Variants in FAM171A1 observed in about 807,000 individuals in gnomAD.
FAM171A1 encodes the protein family with sequence similarity 171 member A1.
A neutral mutation model predicts 74.9 loss-of-function variants in FAM171A1; 23 were observed. The observed-to-expected ratio is 0.31, with a 90% confidence interval of 0.22 to 0.44. The LOEUF (loss-of-function observed/expected upper bound fraction) is 0.44, where lower values mean the gene tolerates loss of function less well. Among genes scored for constraint, FAM171A1 ranks in the 20% least tolerant of loss-of-function variants. The pLI is 1.00. For missense variants in FAM171A1, 1,162 were observed against 1,159.2 expected, an observed-to-expected ratio of 1.00 and a Z score of -0.03; for synonymous variants, 527 against 505.7, an observed-to-expected ratio of 1.04 and a Z score of -0.57.
intron 1 of FAM171A1, among the ~76,000 whole-genome samples, chr10:15,359,999 A>T (rs903909857): frequency 6.6e-6 from 1 of 152,162 alleles, no homozygotes; most frequent in Admixed American, 6.5e-5. Context: ...CGGTTATGTG[A>T]TCACGGCTCA....
At chr10:15,230,090 A>G (rs1834185870) in intron 5 of FAM171A1, among the ~76,000 whole-genome samples, 1 of 152,254 alleles carries the variant, frequency 6.6e-6, no homozygotes, top group South Asian at 2.1e-4. Flanking sequence ...TCAATACTTA[A>G]GTCTATGTTA....
intron 6 of FAM171A1, among the ~76,000 whole-genome samples, chr10:15,218,280 C>G (rs1370303410): frequency 6.6e-6 from 1 of 151,954 alleles, no homozygotes; most frequent in African/African-American, 2.4e-5. Flanking sequence ...AGGGTTTCAA[C>G]GTGTTAGCCA....
At chr10:15,268,698 T>C (rs774569510) in intron 3 of FAM171A1, among the ~76,000 whole-genome samples, 4 of 151,878 alleles carry the variant, frequency 2.6e-5, no homozygotes, top group Non-Finnish European at 5.9e-5. Context: ...AAAGAAGAAA[T>C]GTGGGCCCAG....
At chr10:15,244,981 A>T (rs562440128) in intron 5 of FAM171A1, among the ~76,000 whole-genome samples, 3 of 152,298 alleles carry the variant, frequency 2.0e-5, no homozygotes, top group Admixed American at 6.5e-5. Flanking sequence ...AAATGTGGTT[A>T]AATATGTCCA....
chr10:15,369,234 T>A (rs567278625), intron 1 of FAM171A1, among the ~76,000 whole-genome samples: 51 of 148,258 alleles, frequency 3.4e-4, no homozygotes, highest in South Asian at 1.1e-3. Context: ...ATATATATAT[T>A]GAAGACATGC....
At chr10:15,356,068 T>G (rs1330660653) in intron 1 of FAM171A1, among the ~76,000 whole-genome samples, 1 of 152,076 alleles carries the variant, frequency 6.6e-6, no homozygotes, top group Non-Finnish European at 1.5e-5. Context: ...ATTAAGACAT[T>G]ATTGAAAATA....
chr10:15,366,735 G>C (rs1836067378), intron 1 of FAM171A1, among the ~76,000 whole-genome samples: 1 of 152,164 alleles, frequency 6.6e-6, no homozygotes, highest in Non-Finnish European at 1.5e-5. Context: ...ATACATACCT[G>C]CTGTCTATCC....
At chr10:15,331,110 A>C (rs1049458697) in intron 1 of FAM171A1, among the ~76,000 whole-genome samples, 2 of 151,966 alleles carry the variant, frequency 1.3e-5, no homozygotes, top group Non-Finnish European at 2.9e-5. Context: ...GGCTGGTCTC[A>C]AACTCCTGAC....
chr10:15,219,345 T>C (rs978988804), intron 6 of FAM171A1, among the ~76,000 whole-genome samples: 11 of 152,168 alleles, frequency 7.2e-5, no homozygotes, highest in Non-Finnish European at 1.2e-4. Flanking sequence ...AAGCATGTAC[T>C]GATCTACTGC....
chr10:15,356,233 A>AATAC (rs199696700), intron 1 of FAM171A1, among the ~76,000 whole-genome samples: 3,741 of 150,276 alleles, frequency 0.025, 155 homozygotes, highest in African/African-American at 0.086. Context: ...TATATATATA[A>AATAC]ATACATACAT....
chr10:15,343,304 G>C (rs1402713760), intron 1 of FAM171A1, among the ~76,000 whole-genome samples: 2 of 152,168 alleles, frequency 1.3e-5, no homozygotes, highest in Admixed American at 1.3e-4. Context: ...AGGAGTTCGA[G>C]GCTATAGTGA....
intron 1 of FAM171A1, among the ~76,000 whole-genome samples, chr10:15,357,562 T>A (rs57908882): frequency 1.3e-5 from 2 of 152,116 alleles, no homozygotes; most frequent in African/African-American, 4.8e-5. Flanking sequence ...TGTGTATGCC[T>A]AGGTTAGCAC....
At chr10:15,288,455 T>C (rs1398455839) in intron 1 of FAM171A1, among the ~76,000 whole-genome samples, 2 of 152,168 alleles carry the variant, frequency 1.3e-5, no homozygotes, top group Admixed American at 6.6e-5. Context: ...CTAAGTAGTA[T>C]ACTAAATTAT....
chr10:15,247,298 G>A (rs534570852), intron 5 of FAM171A1, among the ~76,000 whole-genome samples: 2 of 152,280 alleles, frequency 1.3e-5, no homozygotes, highest in South Asian at 2.1e-4. Flanking sequence ...GAGTGGTCTC[G>A]TTCTGTTGCC....
At chr10:15,340,400 T>C (rs1188510711) in intron 1 of FAM171A1, among the ~76,000 whole-genome samples, 1 of 152,182 alleles carries the variant, frequency 6.6e-6, no homozygotes, top group Non-Finnish European at 1.5e-5. Context: ...CACACACTGG[T>C]ATCATGTCCC....
chr10:15,359,926 CTGTTTGTTTGTT>C lies in FAM171A1; in HGVS notation c.97+11018_97+11029del, dbSNP rs111447117. 2.6e-5 allele frequency among the ~76,000 whole-genome samples: 4 copies of C among 151,886 alleles called. No individual in the cohort carries two copies. In the East Asian group the frequency reaches 7.7e-4, roughly 29 times the overall value. On this transcript the variant is annotated intron_variant, in intron 1 of 7. Transcript: ENST00000378116. Reference sequence around the variant, plus strand: ...AATTCCAAAAAGGAACATGGCCCAGCTGTTTGTTTGTTTGTTTGTTTGTTTTGAGACAGGGTC... The same window carrying C: ...AATTCCAAAAAGGAACATGGCCCAGCTGTTTGTTTGTTTTGAGACAGGGTC...
intron 6 of FAM171A1, among the ~76,000 whole-genome samples, chr10:15,216,936 A>G (rs548398950): frequency 1.3e-5 from 2 of 152,184 alleles, no homozygotes; most frequent in African/African-American, 4.8e-5. Flanking sequence ...GTTTAAATGT[A>G]TGACATACAT....
At chr10:15,265,637 C>A (rs1588520980) in intron 3 of FAM171A1, among the ~76,000 whole-genome samples, 2 of 123,140 alleles carry the variant, frequency 1.6e-5, no homozygotes, top group Non-Finnish European at 3.3e-5. Flanking sequence ...GTAGGAAGTA[C>A]AAAAAGCAGC....
At chr10:15,338,590 T>C (rs1047900139) in intron 1 of FAM171A1, among the ~76,000 whole-genome samples, 1 of 152,218 alleles carries the variant, frequency 6.6e-6, no homozygotes, top group Non-Finnish European at 1.5e-5. Context: ...TATAGTCTCA[T>C]AGTATTAAGA....
Sources: gnomAD v4.1 joint callset for allele counts (sites outside exome capture counted in the v4.1 genomes callset) on GRCh38, gnomAD v4.1.1 for gene constraint, MANE v1.5 for transcripts, NCBI Gene and HGNC (gene_info 2026-07-23, HGNC 2026-07-21) for gene names.